Variants in SEC24D observed in about 807,000 individuals in gnomAD.
SEC24D encodes SEC24 homolog D, COPII component, also known as protein transport protein Sec24D.
SEC24D carries 69 observed loss-of-function variants against 116.9 expected under a neutral mutation model. The ratio of observed to expected loss-of-function variants is 0.59; its 90% confidence interval spans 0.49 to 0.72. The LOEUF (loss-of-function observed/expected upper bound fraction) is 0.72, where lower values mean the gene tolerates loss of function less well. Ranked by LOEUF, SEC24D falls within the 30% of genes least tolerant of loss-of-function variation. SEC24D has a pLI of 0.00. For synonymous variants in SEC24D, 405 were observed against 442.8 expected, an observed-to-expected ratio of 0.91 and a Z score of 1.07; for missense variants, 1,131 against 1,264.1, an observed-to-expected ratio of 0.89 and a Z score of 1.60.
intron 21 of SEC24D, chr4:118,728,977 G>A (rs1170665596): frequency 5.0e-6 from 1 of 199,172 alleles, no homozygotes; most frequent in Non-Finnish European, 1.0e-5. Flanking sequence ...GCCAACCACA[G>A]ACAAAAATAT....
chr4:118,786,708 GCT>G (rs1317491974), intron 8 of SEC24D, among the ~76,000 whole-genome samples: 2 of 152,074 alleles, frequency 1.3e-5, no homozygotes, highest in African/African-American at 4.8e-5. Context: ...CAGCAAAAAG[GCT>G]CTAACACAGT....
chr4:118,784,848 T>C (rs1046883711), intron 8 of SEC24D, among the ~76,000 whole-genome samples: 1 of 150,368 alleles, frequency 6.7e-6, no homozygotes, highest in Non-Finnish European at 1.5e-5. Context: ...AGAATAATAG[T>C]GAAACCTAAG....
chr4:118,739,766 A>C (rs1726142798), intron 17 of SEC24D, among the ~76,000 whole-genome samples: 1 of 152,226 alleles, frequency 6.6e-6, no homozygotes, highest in African/African-American at 2.4e-5. Flanking sequence ...GTGATTAAAA[A>C]ATAAACTTTA....
In SEC24D at chr4:118,798,246, C is replaced by CTATAA. The variant is rs1729266613; in HGVS notation, c.914-437_914-436insTTATA. On this transcript the variant is annotated intron_variant, in intron 7 of 22. Transcript: ENST00000280551. ...TATGGGAAAGGTAAGCATTTGTATACTATTTCATATTAGCAAGTGATACTT... is the reference window on the plus strand; with the variant it reads ...TATGGGAAAGGTAAGCATTTGTATACTATAATATTTCATATTAGCAAGTGATACTT... 2.6e-5 allele frequency among the ~76,000 whole-genome samples: 4 copies of CTATAA among 152,288 alleles called. No individual in the cohort carries two copies. The South Asian group carries it at 8.3e-4, about 32-fold the overall frequency.
chr4:118,800,992 T>C (rs1729409870), intron 7 of SEC24D, among the ~76,000 whole-genome samples: 1 of 152,142 alleles, frequency 6.6e-6, no homozygotes, highest in African/African-American at 2.4e-5. Context: ...CCAGTCACGG[T>C]GGCTCACGCC....
chr4:118,828,817 C>T (rs571887175), intron 2 of SEC24D, among the ~76,000 whole-genome samples: 3 of 152,334 alleles, frequency 2.0e-5, no homozygotes, highest in African/African-American at 7.2e-5. Flanking sequence ...ACTGCCCTTA[C>T]AATAAAGTCT....
intron 7 of SEC24D, among the ~76,000 whole-genome samples, chr4:118,800,675 G>A (rs953123954): frequency 7.2e-5 from 11 of 152,142 alleles, no homozygotes; most frequent in South Asian, 2.1e-4. Context: ...CAGCCAATGC[G>A]CTAGACATCA....
intron 8 of SEC24D, among the ~76,000 whole-genome samples, chr4:118,781,433 T>C (rs1029942511): frequency 1.3e-5 from 2 of 152,222 alleles, no homozygotes; most frequent in African/African-American, 2.4e-5. Flanking sequence ...TCTTCTGGCT[T>C]GTAGAGTTTT....
At chr4:118,815,312 C>T in intron 5 of SEC24D, 139 bp downstream of exon 5, 4 of 1,376,988 alleles carry the variant, frequency 2.9e-6, no homozygotes, top group Non-Finnish European at 4.0e-6. Context: ...CATTTCTTTG[C>T]TCTTGCCAAA....
rs755679691 is a variant in SEC24D, at chr4:118,815,024, T to C, written c.801+4A>G. The stretch of plus-strand genomic sequence containing the variant: ...GAGACTGTGAGAGTGAGAAGAGTAC[T>C]TACTGGGCTAGGGATAGAGTCAGGA... On this transcript the variant is annotated splice_donor_region_variant and intron_variant, in intron 6 of 22. Transcript: ENST00000280551. 1.9e-6 allele frequency: 3 copies of C among 1,613,660 alleles called. No homozygotes were observed. The highest frequency in any genetic ancestry group is 2.5e-6 in the Non-Finnish European group (3 of 1,179,840).
At position 118,815,593 on chromosome 4, in the gene SEC24D, T is replaced by A. The variant is rs756174936; in HGVS notation, c.531A>T (p.Thr177=). The A allele has an allele frequency of 4.2e-5, 68 of 1,613,892 alleles. No individual in the cohort carries two copies. Among genetic ancestry groups the A allele is most frequent in the Non-Finnish European group, 5.4e-5 (64 of 1,180,004 alleles). ...AAGGTGAGGCACCAGGACCATTGAG[T>A]GTGGTGGGTGGTGGTGGAAGAACTT... is the stretch of plus-strand genomic sequence containing the variant. ...GSQVLPPPPT[T]LNGPGASPLP... is the part of the protein sequence containing the mutation. Residue 177 remains threonine, a synonymous_variant, in exon 5 of 23, where the codon ACA becomes ACT. Coordinates refer to ENST00000280551, the MANE Select transcript of SEC24D (RefSeq NM_014822.4).
intron 3 of SEC24D, among the ~76,000 whole-genome samples, chr4:118,817,874 T>C (rs1325521866): frequency 1.3e-5 from 2 of 151,892 alleles, no homozygotes; most frequent in Non-Finnish European, 1.5e-5. Flanking sequence ...CCCCCTTCTC[T>C]ACAAAAAATA....
intron 11 of SEC24D, among the ~76,000 whole-genome samples, chr4:118,756,532 A>G (rs926709950): frequency 2.0e-5 from 3 of 152,184 alleles, no homozygotes; most frequent in African/African-American, 7.2e-5. Flanking sequence ...AGCACCAGTC[A>G]TATGTGCAAA....
intron 1 of SEC24D, among the ~76,000 whole-genome samples, chr4:118,834,261 T>C (rs1446638698): frequency 1.3e-5 from 2 of 152,260 alleles, no homozygotes; most frequent in Non-Finnish European, 2.9e-5. Context: ...ACAACGTTGA[T>C]AATGGGCTTA....
intron 6 of SEC24D, among the ~76,000 whole-genome samples, chr4:118,808,388 GTC>G (rs1274766783): frequency 6.6e-6 from 1 of 152,116 alleles, no homozygotes; most frequent in East Asian, 1.9e-4. Flanking sequence ...ATTGAATATA[GTC>G]TTCAATAGAC....
chr4:118,753,449 A>G (rs1437554487), intron 11 of SEC24D, among the ~76,000 whole-genome samples: 1 of 152,152 alleles, frequency 6.6e-6, no homozygotes, highest in East Asian at 1.9e-4. Flanking sequence ...TAGTATAAAT[A>G]TATAAAATAA....
chr4:118,808,867 C>A (rs935163041), intron 6 of SEC24D, among the ~76,000 whole-genome samples: 1 of 151,834 alleles, frequency 6.6e-6, no homozygotes, highest in African/African-American at 2.4e-5. Flanking sequence ...GATAAATGAA[C>A]AAGGATAAGG....
At chr4:118,741,632 C>G (rs561105289) in intron 15 of SEC24D, among the ~76,000 whole-genome samples, 1 of 152,324 alleles carries the variant, frequency 6.6e-6, no homozygotes, top group East Asian at 1.9e-4. Context: ...TAAAGCTTCT[C>G]ATCTGTCAGT....
intron 8 of SEC24D, among the ~76,000 whole-genome samples, chr4:118,792,631 A>C (rs1456580664): frequency 1.3e-5 from 2 of 152,210 alleles, no homozygotes; most frequent in Non-Finnish European, 2.9e-5. Flanking sequence ...TGTGTCCACT[A>C]AGTGTTAAAT....
Sources: gnomAD v4.1 joint callset for allele counts (sites outside exome capture counted in the v4.1 genomes callset) on GRCh38, gnomAD v4.1.1 for gene constraint, MANE v1.5 for transcripts, NCBI Gene and HGNC (gene_info 2026-07-23, HGNC 2026-07-21) for gene names.